The following PLXNB2 variants were observed in gnomAD, a reference collection of about 807,000 sequenced individuals.
PLXNB2 encodes the protein plexin B2.
A neutral mutation model predicts 202.6 loss-of-function variants in PLXNB2; 85 were observed. That is an observed-to-expected ratio of 0.42 (90% confidence interval 0.35 to 0.50). The LOEUF (loss-of-function observed/expected upper bound fraction) is 0.50, where lower values mean the gene tolerates loss of function less well. Among genes scored for constraint, PLXNB2 ranks in the 20% least tolerant of loss-of-function variants. PLXNB2 has a pLI of 0.02. For missense variants in PLXNB2, 2,063 were observed against 2,586.2 expected, an observed-to-expected ratio of 0.80 and a Z score of 4.39; for synonymous variants, 1,239 against 1,137.6, an observed-to-expected ratio of 1.09 and a Z score of -1.79.
At chr22:50,281,775 A>T (rs367555835) in intron 20 of PLXNB2, 33 bp from the exon 21 acceptor site, 127 of 1,564,460 alleles carry the variant, frequency 8.1e-5, no homozygotes, top group Non-Finnish European at 1.0e-4. Context: ...GGTGAGGAGG[A>T]GGGAACCAGG....
chr22:50,306,041 G>A (rs532562037), intron 1 of PLXNB2, among the ~76,000 whole-genome samples: 11 of 152,356 alleles, frequency 7.2e-5, no homozygotes, highest in Non-Finnish European at 1.2e-4. Flanking sequence ...CCCACGTCCC[G>A]GAAGTGGATC....
chr22:50,295,346 C>T (rs1017284869), intron 1 of PLXNB2, among the ~76,000 whole-genome samples: 7 of 150,590 alleles, frequency 4.6e-5, no homozygotes, highest in South Asian at 2.1e-4. Context: ...CTGAAAAATA[C>T]GCACACCCAT....
rs141718957 is a variant in PLXNB2, at chr22:50,289,739, G to A, written c.846C>T (p.Ala282=). ...TGCCAGAGCCAGGCGCAGCCACGGA[G>A]GCGGCCAGGCAGGTGCCAAAGGCAG... The part of the protein sequence containing the change: ...HAAAFGTCLA[A]SVAAPGSGRV... The change falls in exon 3 of 37, where the codon GCC becomes GCT. Residue 282 remains alanine, a synonymous_variant. Transcript: ENST00000359337. The surrounding 1 kb of genome is among the most constrained non-coding windows in gnomAD (Gnocchi z 8.0). The A allele has an allele frequency of 2.1e-3, 3,460 of 1,612,460 alleles. 68 individuals are homozygous for A. The African/African-American group carries it at 0.038, about 18-fold the overall frequency.
Position 50,275,722 on chromosome 22 carries a change from G to A in PLXNB2, c.5499C>T (p.Asn1833=), listed in dbSNP as rs1270942903. The A allele has an allele frequency of 1.2e-6, 2 of 1,607,680 alleles. No individual in the cohort carries two copies. The highest frequency in any genetic ancestry group is 1.7e-6 in the Non-Finnish European group (2 of 1,176,382). Reference sequence around the variant, plus strand: ...TTGTAGGTCAGAGGTCAGTGACCTTGTTCTCCAGTGCAGCGGCAATCTGCT... The same window carrying A: ...TTGTAGGTCAGAGGTCAGTGACCTTATTCTCCAGTGCAGCGGCAATCTGCT... The part of the protein sequence containing the change: ...RLQQIAAALE[N]KVTDL Residue 1833 remains asparagine, a synonymous_variant, in exon 37 of 37, where the codon AAC becomes AAT. Coordinates refer to ENST00000359337, the MANE Select transcript of PLXNB2 (RefSeq NM_012401.4).
intron 2 of PLXNB2, among the ~76,000 whole-genome samples, chr22:50,294,382 A>G (rs530196578): frequency 6.7e-6 from 1 of 149,342 alleles, no homozygotes; most frequent in East Asian, 2.0e-4. Flanking sequence ...CTGCACAGGC[A>G]CCCCCCCACC....
In PLXNB2 at chr22:50,279,759, G is replaced by C. The variant is rs1282395868; in HGVS notation, c.4260C>G (p.Pro1420=). ...YQYLKDSAGE[P]LYKLFKAIKH... ...TGATGGCCTTGAAGAGCTTGTACAG[G>C]GGCTCCCCGGCACTGTCCTGGAGTA... The change falls in exon 27 of 37, where the codon CCC becomes CCG. Residue 1420 remains proline, a synonymous_variant. Coordinates refer to ENST00000359337, the MANE Select transcript of PLXNB2 (RefSeq NM_012401.4). 6.2e-7 allele frequency: 1 copy of C among 1,613,914 alleles called. No individual in the cohort carries two copies. The highest frequency in any genetic ancestry group is 1.1e-5 in the South Asian group (1 of 91,084).
chr22:50,289,573 G>C lies in PLXNB2; in HGVS notation c.1012C>G (p.Arg338Gly). 1.2e-6 allele frequency: 2 copies of C among 1,611,508 alleles called. No individual in the cohort carries two copies. The highest frequency in any genetic ancestry group is 1.7e-6 in the Non-Finnish European group (2 of 1,179,872). ...NACYTGTREA[R>G]DIFYKPFHGD... is the part of the protein sequence containing the mutation. ...TGGAAGGGCTTGTAGAAGATGTCAC[G>C]GGCCTCCCGGGTGCCTGTGTAACAG... Residue 338 changes from arginine (R) to glycine (G), a missense_variant, in exon 3 of 37, where the codon CGT becomes GGT. Physicochemically the swap from Arg to Gly is moderately radical, Grantham distance 125. Transcript: ENST00000359337. This position sits in a 1 kb window ranked among gnomAD's most constrained non-coding sequence, Gnocchi z 8.0.
At position 50,280,592 on chromosome 22, in the gene PLXNB2, G is replaced by A; in HGVS notation, c.4072C>T (p.Leu1358=). The change falls in exon 25 of 37, where the codon CTG becomes TTG. Residue 1358 remains leucine (L), a synonymous_variant. Coordinates refer to ENST00000359337, the MANE Select transcript of PLXNB2 (RefSeq NM_012401.4). ...VYFASLLTVA[L]HGKLEYYTDI... Reference sequence around the variant, plus strand: ...GTGTAGTACTCCAGTTTCCCGTGCAGCGCCACCGTCAGCAGGGACGCGAAG... The same window carrying A: ...GTGTAGTACTCCAGTTTCCCGTGCAACGCCACCGTCAGCAGGGACGCGAAG... 1.2e-6 allele frequency: 2 copies of A among 1,612,646 alleles called. No homozygotes were observed. The highest frequency in any genetic ancestry group is 1.7e-6 in the Non-Finnish European group (2 of 1,179,880).
intron 2 of PLXNB2, among the ~76,000 whole-genome samples, chr22:50,290,871 G>A (rs973782667): frequency 6.6e-6 from 1 of 152,200 alleles, no homozygotes; most frequent in East Asian, 1.9e-4. Context: ...TCCCGGAGGT[G>A]CTGAAAACAC....
In PLXNB2 at chr22:50,283,736, C is replaced by T. The variant is rs374302976; in HGVS notation, c.2436G>A (p.Thr812=). 2.2e-5 allele frequency: 35 copies of T among 1,613,036 alleles called. No individual in the cohort carries two copies. The highest frequency in any genetic ancestry group is 1.7e-4 in the Admixed American group (10 of 59,994). The part of the protein sequence containing the change: ...PPVITRIQPE[T]GPLGGGIRIT... ...TGCGGATGCCCCCACCCAGGGGGCC[C>T]GTCTCAGGCTGGATCTGAAACCACA... Residue 812 remains threonine (T), a synonymous_variant, in exon 15 of 37, where the codon ACG becomes ACA. Coordinates refer to ENST00000359337, the MANE Select transcript of PLXNB2 (RefSeq NM_012401.4).
At position 50,281,422 on chromosome 22, in the gene PLXNB2, G is replaced by A. The variant is rs966326274; in HGVS notation, c.3600C>T (p.Leu1200=). ...DTRVSDVPLS[L]ILPLVIVPMV... is the part of the protein sequence containing the mutation. Reference sequence around the variant, plus strand: ...TGGGCACGATGACCAGCGGCAAGATGAGGCTGAGCGGCACGTCGCTCACCC... The same window carrying A: ...TGGGCACGATGACCAGCGGCAAGATAAGGCTGAGCGGCACGTCGCTCACCC... Residue 1200 remains leucine, a synonymous_variant, in exon 22 of 37, where the codon CTC becomes CTT. Coordinates refer to ENST00000359337, the MANE Select transcript of PLXNB2 (RefSeq NM_012401.4). The A allele has an allele frequency of 3.7e-6, 6 of 1,612,448 alleles. No homozygotes were observed. The highest frequency in any genetic ancestry group is 5.1e-6 in the Non-Finnish European group (6 of 1,179,772).
chr22:50,291,315 G>A lies in PLXNB2; in HGVS notation c.-13-718C>T, dbSNP rs1232856372. Among the ~76,000 whole-genome samples the A allele has an allele frequency of 6.6e-6, 1 of 152,176 alleles. No homozygotes were observed. The highest frequency in any genetic ancestry group is 1.5e-5 in the Non-Finnish European group (1 of 68,020). On this transcript the variant is annotated intron_variant, in intron 2 of 36. Coordinates refer to ENST00000359337, the MANE Select transcript of PLXNB2 (RefSeq NM_012401.4). This position sits in a 1 kb window ranked among gnomAD's most constrained non-coding sequence, Gnocchi z 4.3. The stretch of plus-strand genomic sequence containing the variant: ...ATGTGCGCACAGCGGAGGCAACAAG[G>A]GGACCTGGGGAGCCATGAGCAACTC...
Position 50,307,561 on chromosome 22 carries a change from C to T in PLXNB2, c.-82G>A, listed in dbSNP as rs1161503386. 2.2e-5 allele frequency: 22 copies of T among 981,966 alleles called. No homozygotes were observed. The highest frequency in any genetic ancestry group is 2.7e-5 in the Non-Finnish European group (22 of 828,714). 60.8% of individuals were successfully genotyped at this position (981,966 alleles called of 1,614,324 possible). On this transcript the variant is annotated 5_prime_UTR_variant, in exon 1 of 37. Transcript: ENST00000359337. ...TCCCCCGAGCTCGGTACCTGCACGT[C>T]CGCCGCCAAGGCTCGATGGCGCCCG... is the stretch of plus-strand genomic sequence containing the variant.
chr22:50,298,150 G>C (rs1386314023), intron 1 of PLXNB2, among the ~76,000 whole-genome samples: 1 of 152,242 alleles, frequency 6.6e-6, no homozygotes, highest in African/African-American at 2.4e-5. Flanking sequence ...AGCCGGGAAG[G>C]GGTGGTGACA....
chr22:50,283,748 G>T lies in PLXNB2; in HGVS notation c.2424C>A (p.Ile808=), dbSNP rs763643132. 1.9e-5 allele frequency: 30 copies of T among 1,613,020 alleles called. No homozygotes were observed. The East Asian group carries it at 5.6e-4, about 30-fold the overall frequency. The change falls in exon 15 of 37, where the codon ATC becomes ATA. Residue 808 remains isoleucine (I), a splice_region_variant and synonymous_variant. Transcript: ENST00000359337. ...CACCCAGGGGGCCCGTCTCAGGCTGGATCTGAAACCACAGAGCCGGGTGAG... is the reference window on the plus strand; with the variant it reads ...CACCCAGGGGGCCCGTCTCAGGCTGTATCTGAAACCACAGAGCCGGGTGAG... ...SECPPPVITR[I]QPETGPLGGG...
intron 26 of PLXNB2, 73 bp from the exon 27 acceptor site, chr22:50,279,849 C>T: frequency 6.4e-7 from 1 of 1,569,638 alleles, no homozygotes; most frequent in East Asian, 2.2e-5. Context: ...GAGCCCTGGC[C>T]AGAGGCATGG....
chr22:50,287,603 A>G (rs1333289512), intron 7 of PLXNB2, 64 bp downstream of exon 7: 15 of 1,443,402 alleles, frequency 1.0e-5, no homozygotes, highest in Non-Finnish European at 1.4e-5. Flanking sequence ...AGCTCCCAGC[A>G]TGGGGGAGCC....
At chr22:50,277,442 C>A in intron 33 of PLXNB2, 149 bp downstream of exon 33, 2 of 789,208 alleles carry the variant, frequency 2.5e-6, no homozygotes, top group Non-Finnish European at 3.8e-6. Flanking sequence ...CCCCTGTGCC[C>A]CCAGCCTCCG....
intron 2 of PLXNB2, among the ~76,000 whole-genome samples, chr22:50,294,292 G>T (rs1253816833): frequency 6.6e-6 from 1 of 152,230 alleles, no homozygotes; most frequent in Non-Finnish European, 1.5e-5. Context: ...AGCAACTCCG[G>T]CTGCTGCTGG....
Sources: gnomAD v4.1 joint callset for allele counts (sites outside exome capture counted in the v4.1 genomes callset) on GRCh38, gnomAD v4.1.1 for gene constraint, Gnocchi (gnomAD v3.1) non-coding constraint, MANE v1.5 for transcripts, NCBI Gene and HGNC (gene_info 2026-07-23, HGNC 2026-07-21) for gene names.